The following ASIC2 variants were observed in gnomAD, a reference collection of about 807,000 sequenced individuals.
ASIC2 encodes acid-sensing ion channel 2.
A neutral mutation model predicts 57.3 loss-of-function variants in ASIC2; 25 were observed. The ratio of observed to expected loss-of-function variants is 0.44; its 90% CI spans 0.32 to 0.61. The LOEUF is 0.61. Among genes scored for constraint, ASIC2 ranks in the 20% least tolerant of loss-of-function variants. ASIC2 has a pLI of 0.06. For missense variants in ASIC2, 641 were observed against 738.1 expected (o/e 0.87, Z 1.52); for synonymous variants, 319 against 307.5 (o/e 1.04, Z -0.39).
At chr17:33,124,696 C>T (rs2092316475) in intron 1 of ASIC2, among the ~76,000 whole-genome samples, 2 of 152,148 alleles carry the variant, frequency 1.3e-5, no homozygotes, top group Admixed American at 1.3e-4. Context: ...TTTACATGGA[C>T]TGGGGAGAAG....
Position 33,677,665 on chromosome 17 carries a change from G to GAT in ASIC2, c.555+478311_555+478312dup, listed in dbSNP as rs759309967. ...GGCTTCAGGGGAGGAAGTCACTGCA[G>GAT]ATGGGGTGGAAGTGACAAGAGGACT... On this transcript the variant is annotated intron_variant, in intron 1 of 9. Transcript: ENST00000359872. 1.2e-4 allele frequency among the ~76,000 whole-genome samples: 19 copies of GAT among 152,338 alleles called. No individual in the cohort carries two copies. The South Asian group carries it at 1.7e-3, about 13-fold the overall frequency.
intron 1 of ASIC2, among the ~76,000 whole-genome samples, chr17:33,164,985 G>A (rs901906815): frequency 2.0e-5 from 3 of 152,112 alleles, no homozygotes; most frequent in Admixed American, 6.6e-5. Context: ...TCTGCTTAGC[G>A]TGTACATCTT....
At chr17:33,190,157 G>A (rs1906356569) in intron 1 of ASIC2, among the ~76,000 whole-genome samples, 2 of 152,066 alleles carry the variant, frequency 1.3e-5, no homozygotes, top group East Asian at 1.9e-4. Context: ...TTATTTAAAA[G>A]TTACCAAAAC....
intron 1 of ASIC2, among the ~76,000 whole-genome samples, chr17:34,048,115 C>T (rs1390920135): frequency 6.6e-6 from 1 of 152,118 alleles, no homozygotes; most frequent in Non-Finnish European, 1.5e-5. Flanking sequence ...AGTGTCCACA[C>T]TTTGATTTAT....
chr17:33,943,443 G>C (rs1284451768), intron 1 of ASIC2, among the ~76,000 whole-genome samples: 1 of 152,136 alleles, frequency 6.6e-6, no homozygotes, highest in Non-Finnish European at 1.5e-5. Flanking sequence ...TTTATAGTTT[G>C]CAGAGTGCTT....
chr17:34,070,641 C>T (rs888084195), intron 1 of ASIC2: 1 of 152,234 alleles, frequency 6.6e-6, no homozygotes, highest in Non-Finnish European at 1.5e-5. Context: ...GACTGGGACA[C>T]CTGCTCCTAC....
chr17:34,041,283 A>G (rs747426147), intron 1 of ASIC2: 1 of 152,224 alleles, frequency 6.6e-6, no homozygotes, highest in African/African-American at 2.4e-5. Flanking sequence ...TCGGAGGCAG[A>G]AGAAGAGACT....
intron 1 of ASIC2, among the ~76,000 whole-genome samples, chr17:33,327,907 C>A (rs1244932974): frequency 3.3e-5 from 5 of 152,038 alleles, no homozygotes; most frequent in African/African-American, 1.2e-4. Flanking sequence ...AGATACACAG[C>A]ATATAGGGAA....
chr17:34,031,760 C>T (rs1209932653), intron 1 of ASIC2, among the ~76,000 whole-genome samples: 1 of 151,992 alleles, frequency 6.6e-6, no homozygotes, highest in African/African-American at 2.4e-5. Flanking sequence ...GAAAGGGTAT[C>T]AGTGATGGAA....
chr17:33,221,818 G>T (rs1907699876), intron 1 of ASIC2, among the ~76,000 whole-genome samples: 1 of 152,092 alleles, frequency 6.6e-6, no homozygotes, highest in Non-Finnish European at 1.5e-5. Context: ...GTTTATTCAT[G>T]AAAACAAAGT....
intron 1 of ASIC2, among the ~76,000 whole-genome samples, chr17:33,458,783 T>C (rs1912537097): frequency 6.6e-6 from 1 of 152,172 alleles, no homozygotes; most frequent in Non-Finnish European, 1.5e-5. Context: ...TATGATCTCT[T>C]CCAGTCTAAA....
intron 3 of ASIC2, among the ~76,000 whole-genome samples, chr17:33,047,992 A>G (rs73982404): frequency 0.017 from 2,651 of 152,268 alleles, 77 homozygotes; most frequent in African/African-American, 0.061. Flanking sequence ...CCCCAGTGTG[A>G]CAATTTTTGG....
chr17:33,157,959 C>T (rs1286903693), intron 1 of ASIC2, among the ~76,000 whole-genome samples: 2 of 152,218 alleles, frequency 1.3e-5, no homozygotes, highest in African/African-American at 4.8e-5. Context: ...CAGGCTTCTG[C>T]CCTTGCTGTT....
rs2091789248 is a variant in ASIC2 at position 33,013,470 on chromosome 17, T to G, written c.*495A>C. The G allele has an allele frequency of 6.4e-6, 1 of 155,350 alleles. No individual in the cohort carries two copies. The highest frequency in any genetic ancestry group is 2.4e-5 in the African/African-American group (1 of 41,496). 9.6% of individuals were successfully genotyped at this position (155,350 alleles called of 1,614,324 possible). A position where few individuals can be genotyped will look rare whatever the true frequency, so the allele number is the denominator to read the frequency against. On this transcript the variant is annotated 3_prime_UTR_variant, in exon 10 of 10. Coordinates refer to ENST00000225823, the MANE Select transcript of ASIC2 (RefSeq NM_183377.2). ...GGGGGTTTTTGGGCAGGTTAAGAAC[T>G]TTCACAAACGACACAAGAACTGAAT...
intron 1 of ASIC2, among the ~76,000 whole-genome samples, chr17:33,844,913 T>A (rs1216750409): frequency 1.3e-5 from 2 of 152,210 alleles, no homozygotes; most frequent in Non-Finnish European, 2.9e-5. Context: ...ATTTTACAGA[T>A]GGGAAATAAC....
At chr17:33,417,916 C>G (rs1910906135) in intron 1 of ASIC2, among the ~76,000 whole-genome samples, 1 of 152,132 alleles carries the variant, frequency 6.6e-6, no homozygotes, top group Non-Finnish European at 1.5e-5. Flanking sequence ...CCCGACTAGG[C>G]TTTCTCTGTT....
At chr17:33,337,802 A>T (rs1174311793) in intron 1 of ASIC2, among the ~76,000 whole-genome samples, 1 of 150,860 alleles carries the variant, frequency 6.6e-6, no homozygotes, top group Non-Finnish European at 1.5e-5. Flanking sequence ...AAGAAAATGT[A>T]AGTGTTCCTT....
At chr17:33,375,583 A>G (rs1420733457) in intron 1 of ASIC2, among the ~76,000 whole-genome samples, 1 of 152,128 alleles carries the variant, frequency 6.6e-6, no homozygotes, top group African/African-American at 2.4e-5. Context: ...GTGTGGACTG[A>G]CTACAGGGGC....
At chr17:33,902,006 G>T (rs1279322169) in intron 1 of ASIC2, among the ~76,000 whole-genome samples, 1 of 152,124 alleles carries the variant, frequency 6.6e-6, no homozygotes, top group African/African-American at 2.4e-5. Flanking sequence ...CACTAGAAAA[G>T]CTAGAAATGA....
Sources: allele counts gnomAD v4.1 joint callset (sites outside exome capture counted in the v4.1 genomes callset), GRCh38; gene constraint gnomAD v4.1.1; transcripts MANE v1.5; gene names NCBI Gene and HGNC (gene_info 2026-07-23, HGNC 2026-07-21).